The following MCF2L2 variants were observed in gnomAD, a reference collection of about 807,000 sequenced individuals.
The protein encoded by MCF2L2 is probable guanine nucleotide exchange factor MCF2L2.
Under a neutral mutation model 150.2 loss-of-function variants are expected in MCF2L2, and 102 were observed. The observed-to-expected ratio is 0.68, with a 90% CI of 0.58 to 0.80. The LOEUF (loss-of-function observed/expected upper bound fraction) is 0.80, where lower values mean the gene tolerates loss of function less well. Ranked by LOEUF, MCF2L2 falls within the 30% of genes least tolerant of loss-of-function variation. The pLI is 0.00. For missense variants in MCF2L2, 1,256 were observed against 1,372.8 expected (o/e 0.91, Z 1.34); for synonymous variants, 465 against 491.3 (o/e 0.95, Z 0.71).
chr3:183,297,058 A>C lies in MCF2L2; in HGVS notation c.1415T>G (p.Leu472Arg). The change falls in exon 12 of 30, where the codon CTG (leucine) becomes CGG (arginine). Residue 472 changes from leucine to arginine, a missense_variant. Physicochemically the swap from Leu to Arg is moderately radical, Grantham distance 102. Coordinates refer to ENST00000328913, the MANE Select transcript of MCF2L2 (RefSeq NM_015078.4). ...CAACGGGTACTCCTTGACTGTGCCC[A>C]GGAATGTCGCAATGTCGTTCAAGGC... ...DIALNDIATF[L>R]GTVKEYPLLS... is the part of the protein sequence containing the mutation. The C allele has an allele frequency of 2.5e-6, 4 of 1,614,232 alleles. No individual in the cohort carries two copies. The Middle Eastern group carries it at 6.6e-4, about 266-fold the overall frequency.
intron 5 of MCF2L2, among the ~76,000 whole-genome samples, chr3:183,333,731 G>A (rs1730357724): frequency 6.6e-6 from 1 of 152,118 alleles, no homozygotes; most frequent in South Asian, 2.1e-4. Flanking sequence ...ATGTGTACAT[G>A]TATATGTGCA....
chr3:183,180,042 G>A (rs754384330), intron 28 of MCF2L2, 29 bp downstream of exon 28: 2 of 1,552,278 alleles, frequency 1.3e-6, no homozygotes, highest in Admixed American at 3.3e-5. Flanking sequence ...GAGGGAAGAA[G>A]ATGAAAGAAA....
chr3:183,238,928 T>C (rs1414016094), intron 15 of MCF2L2, among the ~76,000 whole-genome samples: 1 of 128,298 alleles, frequency 7.8e-6, no homozygotes, highest in East Asian at 2.3e-4. Context: ...ACCCCGGAGG[T>C]GGAGCTTGCA....
chr3:183,404,805 G>A (rs1267606641), intron 1 of MCF2L2, among the ~76,000 whole-genome samples: 1 of 152,178 alleles, frequency 6.6e-6, no homozygotes, highest in Non-Finnish European at 1.5e-5. Flanking sequence ...GGAGGTTGCA[G>A]TGAGCCGAGA....
chr3:183,301,280 C>A (rs1728835063), intron 10 of MCF2L2, among the ~76,000 whole-genome samples: 1 of 152,060 alleles, frequency 6.6e-6, no homozygotes, highest in Non-Finnish European at 1.5e-5. Context: ...AGGCAAAAAC[C>A]CCCACCTCAT....
chr3:183,201,968 G>A (rs1004076775), intron 25 of MCF2L2, among the ~76,000 whole-genome samples: 2 of 152,174 alleles, frequency 1.3e-5, no homozygotes, highest in Non-Finnish European at 2.9e-5. Context: ...GAAAATGGCT[G>A]TGTCTCAGTA....
Position 183,276,925 on chromosome 3 carries a change from C to A in MCF2L2, c.1809G>T (p.Arg603Ser). The change falls in exon 15 of 30, where the codon AGG (arginine) becomes AGT (serine). Residue 603 changes from arginine (R) to serine (S), a missense_variant. By Grantham distance (110) the Arg-to-Ser change is moderately radical. Transcript: ENST00000328913. ...SEEIFESHHE[R>S]GNPELEQQAR... ...CCTGCTGCTCCAGCTCAGGGTTCCCCCTTTCATGATGGCTTTCAAAGATTT... is the reference window on the plus strand; with the variant it reads ...CCTGCTGCTCCAGCTCAGGGTTCCCACTTTCATGATGGCTTTCAAAGATTT... 1 of 1,610,378 alleles carries A rather than the reference C, an allele frequency of 6.2e-7. No individual in the cohort carries two copies.
chr3:183,316,308 T>G lies in MCF2L2; in HGVS notation c.753+1760A>C, dbSNP rs35476204. ...TACAATTTCAGTCCAGATTTTTTTT[T>G]TTTGTTTGTTTTATTTTGGTGTTTT... On this transcript the variant is annotated intron_variant, in intron 7 of 29. Coordinates refer to ENST00000328913, the MANE Select transcript of MCF2L2 (RefSeq NM_015078.4). 7.1e-3 allele frequency among the ~76,000 whole-genome samples: 1,038 copies of G among 146,362 alleles called. 4 individuals are homozygous for G. Among genetic ancestry groups the G allele is most frequent in the South Asian group, 0.012 (58 of 4,748 alleles).
chr3:183,223,279 G>T, intron 20 of MCF2L2, 67 bp downstream of exon 20: 1 of 1,192,952 alleles, frequency 8.4e-7, no homozygotes, highest in Non-Finnish European at 1.2e-6. Context: ...CATGTGTAAC[G>T]ACATGGGCAC....
At chr3:183,423,646 T>A (rs533289261) in intron 1 of MCF2L2, among the ~76,000 whole-genome samples, 5 of 145,436 alleles carry the variant, frequency 3.4e-5, no homozygotes, top group African/African-American at 1.3e-4. Flanking sequence ...TTTTTTTTTT[T>A]TTTTTTTTTT....
intron 3 of MCF2L2, among the ~76,000 whole-genome samples, chr3:183,351,190 G>GTATATATATATATA (rs60311053): frequency 2.8e-4 from 11 of 38,842 alleles, no homozygotes; most frequent in East Asian, 9.2e-4. Context: ...ATTTTCTTAA[G>GTATATATATATATA]TATATATATA....
At position 183,283,758 on chromosome 3, in the gene MCF2L2, G is replaced by A. The variant is rs1334783583; in HGVS notation, c.1776+5362C>T. ...TCTGGTCTTGAACTCCTGAACTCAG[G>A]TGATCCACCCACCTCAGCCTCCCAA... On this transcript the variant is annotated intron_variant, in intron 14 of 29. Coordinates refer to ENST00000328913, the MANE Select transcript of MCF2L2 (RefSeq NM_015078.4). This position sits in a 1 kb window ranked among gnomAD's most constrained non-coding sequence, Gnocchi z 4.2. 6.6e-6 allele frequency among the ~76,000 whole-genome samples: 1 copy of A among 152,102 alleles called. No individual in the cohort carries two copies. Among genetic ancestry groups the A allele is most frequent in the Non-Finnish European group, 1.5e-5 (1 of 68,016 alleles).
intron 7 of MCF2L2, among the ~76,000 whole-genome samples, chr3:183,315,331 T>G (rs1028772889): frequency 1.6e-4 from 25 of 152,160 alleles, no homozygotes; most frequent in African/African-American, 6.0e-4. Context: ...TTAATCGAGG[T>G]AAACACTTGG....
chr3:183,406,462 G>A (rs962865497), intron 1 of MCF2L2, among the ~76,000 whole-genome samples: 6 of 151,972 alleles, frequency 3.9e-5, no homozygotes, highest in Admixed American at 1.3e-4. Context: ...ATTCTGGATC[G>A]AGTCCTTTGT....
chr3:183,188,927 C>G (rs375073891), intron 27 of MCF2L2, among the ~76,000 whole-genome samples: 1 of 151,988 alleles, frequency 6.6e-6, no homozygotes, highest in African/African-American at 2.4e-5. Flanking sequence ...CTGATGGTGC[C>G]GTTGCACTCC....
rs1178144884 is a variant in MCF2L2, at chr3:183,295,471, C to G, written c.1504G>C (p.Ala502Pro). 6.2e-7 allele frequency: 1 copy of G among 1,613,994 alleles called. No homozygotes were observed. Among genetic ancestry groups the G allele is most frequent in the African/African-American group, 1.3e-5 (1 of 74,922 alleles). ...LLLTLDAKAK[A>P]QKVLQRLDDV... ...TCCAGCCTCTGCAAAACTTTCTGGGCTTTGGCCTACAGTAACAAAAGCAAA... is the reference window on the plus strand; with the variant it reads ...TCCAGCCTCTGCAAAACTTTCTGGGGTTTGGCCTACAGTAACAAAAGCAAA... The change falls in exon 13 of 30, where the codon GCC becomes CCC. Residue 502 changes from alanine (A) to proline (P), a missense_variant. Physicochemically the swap from Ala to Pro is conservative, Grantham distance 27. Coordinates refer to ENST00000328913, the MANE Select transcript of MCF2L2 (RefSeq NM_015078.4).
intron 15 of MCF2L2, among the ~76,000 whole-genome samples, chr3:183,240,173 T>C (rs1723944646): frequency 6.6e-6 from 1 of 152,200 alleles, no homozygotes; most frequent in Non-Finnish European, 1.5e-5. Flanking sequence ...TCATAGAATC[T>C]CATCCTTCTG....
At chr3:183,383,689 G>T (rs1713667101) in intron 2 of MCF2L2, among the ~76,000 whole-genome samples, 1 of 152,100 alleles carries the variant, frequency 6.6e-6, no homozygotes, top group Non-Finnish European at 1.5e-5. Context: ...CATGCATGTG[G>T]AAATACATAC....
At chr3:183,347,829 T>C (rs1290335547) in intron 3 of MCF2L2, among the ~76,000 whole-genome samples, 1 of 152,160 alleles carries the variant, frequency 6.6e-6, no homozygotes, top group Admixed American at 6.5e-5. Flanking sequence ...ATTAGATAAA[T>C]GCAAATCAAA....
Sources: allele counts gnomAD v4.1 joint callset (sites outside exome capture counted in the v4.1 genomes callset), GRCh38; gene constraint gnomAD v4.1.1; non-coding constraint Gnocchi (gnomAD v3.1); transcripts MANE v1.5; gene names NCBI Gene and HGNC (gene_info 2026-07-23, HGNC 2026-07-21).